CEP85L: variants seen among roughly 807,000 people sequenced by gnomAD.
CEP85L encodes the protein centrosomal protein 85L.
A neutral mutation model predicts 100.3 loss-of-function variants in CEP85L; 60 were observed. The ratio of observed to expected loss-of-function variants is 0.60; its 90% CI spans 0.49 to 0.74. CEP85L has a LOEUF of 0.74. Among genes scored for constraint, CEP85L ranks in the 30% least tolerant of loss-of-function variants. CEP85L has a pLI of 0.00. For synonymous variants in CEP85L, 319 were observed against 322.7 expected (o/e 0.99, Z 0.12); for missense variants, 973 against 936.2 (o/e 1.04, Z -0.51).
rs1773676517 is a variant in CEP85L at position 118,624,782 on chromosome 6, G to A, written c.232+7671C>T. On this transcript the variant is annotated intron_variant, in intron 2 of 12. Transcript: ENST00000368491. ...ACACCCATGTGGGTATAACTGATGA[G>A]AGAGGTGTCCAGGATAAAGCCAAAA... Among the ~76,000 whole-genome samples the A allele has an allele frequency of 2.0e-5, 3 of 152,218 alleles. No homozygotes were observed. The South Asian group carries it at 6.2e-4, about 31-fold the overall frequency.
At chr6:118,476,417 C>A (rs1773379940) in intron 10 of CEP85L, among the ~76,000 whole-genome samples, 1 of 151,716 alleles carries the variant, frequency 6.6e-6, no homozygotes, top group South Asian at 2.1e-4. Flanking sequence ...TAAATGTTTT[C>A]AAAATTAAAC....
At chr6:118,558,692 G>T in intron 3 of CEP85L, 2 of 550,580 alleles carry the variant, frequency 3.6e-6, no homozygotes, top group Non-Finnish European at 6.5e-6. Context: ...GAGAGAGGGA[G>T]AGAGACTATA....
chr6:118,612,039 T>C (rs1362891289), intron 2 of CEP85L, among the ~76,000 whole-genome samples: 18 of 152,226 alleles, frequency 1.2e-4, no homozygotes, highest in Non-Finnish European at 2.6e-4. Context: ...ATACACATTC[T>C]TTCCAAGTAC....
At chr6:118,638,117 G>A (rs974819598) in intron 1 of CEP85L, among the ~76,000 whole-genome samples, 7 of 151,650 alleles carry the variant, frequency 4.6e-5, no homozygotes, top group Admixed American at 1.3e-4. Flanking sequence ...TGTAGCACAT[G>A]CCTGTAATAC....
chr6:118,567,241 GTGTGTGTGTATATATATATATA>G (rs1267536211), intron 2 of CEP85L, among the ~76,000 whole-genome samples: 1,925 of 37,994 alleles, frequency 0.051, 19 homozygotes, highest in Non-Finnish European at 0.077. Flanking sequence ...GTGTGTGTGT[GTGTGTGTGTATATATATATATA>G]TATATATATA....
intron 6 of CEP85L, among the ~76,000 whole-genome samples, chr6:118,485,979 C>T (rs575788843): frequency 6.6e-6 from 1 of 152,266 alleles, no homozygotes; most frequent in Admixed American, 6.5e-5. Context: ...CAAAGATGTC[C>T]TACTTTTCTT....
chr6:118,602,778 T>C (rs956490104), intron 2 of CEP85L, among the ~76,000 whole-genome samples: 2 of 152,166 alleles, frequency 1.3e-5, no homozygotes, highest in African/African-American at 2.4e-5. Flanking sequence ...CTTTTTTAAA[T>C]TGGCTTTGAT....
At chr6:118,553,828 G>C (rs1409609838) in intron 3 of CEP85L, among the ~76,000 whole-genome samples, 1 of 152,114 alleles carries the variant, frequency 6.6e-6, no homozygotes, top group Non-Finnish European at 1.5e-5. Flanking sequence ...ACAAAGCCTA[G>C]TTCAGGTTAA....
At chr6:118,629,960 A>G (rs886842904) in intron 2 of CEP85L, among the ~76,000 whole-genome samples, 3 of 152,180 alleles carry the variant, frequency 2.0e-5, no homozygotes, top group Non-Finnish European at 4.4e-5. Context: ...TCCTGTTTTT[A>G]TAGTTTCAAC....
intron 2 of CEP85L, among the ~76,000 whole-genome samples, chr6:118,631,941 A>C (rs1774184172): frequency 6.6e-6 from 1 of 152,226 alleles, no homozygotes; most frequent in Non-Finnish European, 1.5e-5. Flanking sequence ...ATTATCTCAA[A>C]GTAAGAAGTT....
At chr6:118,518,433 T>C (rs1171271886) in intron 4 of CEP85L, among the ~76,000 whole-genome samples, 1 of 152,234 alleles carries the variant, frequency 6.6e-6, no homozygotes, top group Non-Finnish European at 1.5e-5. Context: ...ATTCAGGGAT[T>C]TGACTTCTTC....
intron 4 of CEP85L, 50 bp from the exon 5 acceptor site, chr6:118,511,465 T>C: frequency 8.3e-7 from 1 of 1,210,366 alleles, no homozygotes; most frequent in Non-Finnish European, 1.2e-6. Flanking sequence ...TTTCTAATAG[T>C]TAGAAGAACC....
intron 2 of CEP85L, among the ~76,000 whole-genome samples, chr6:118,586,231 A>C (rs1357811167): frequency 1.3e-5 from 2 of 152,198 alleles, no homozygotes; most frequent in Non-Finnish European, 2.9e-5. Flanking sequence ...CCACGGCCTT[A>C]CTACGAATAA....
At chr6:118,614,149 G>A (rs1245190994) in intron 2 of CEP85L, among the ~76,000 whole-genome samples, 1 of 151,914 alleles carries the variant, frequency 6.6e-6, no homozygotes, top group Non-Finnish European at 1.5e-5. Flanking sequence ...ATTCATTGAG[G>A]AAAAAAAATT....
At chr6:118,701,129 C>T (rs544994610) in intron 1 of CEP85L, among the ~76,000 whole-genome samples, 29 of 152,294 alleles carry the variant, frequency 1.9e-4, no homozygotes, top group African/African-American at 3.4e-4. Context: ...ACCATGGAAA[C>T]GGCATTCATT....
Position 118,545,858 on chromosome 6 carries a change from C to T in CEP85L, c.1020+19671G>A, listed in dbSNP as rs570486453. ...CAGGATCTCTGATAATCACTATGTACACTTCATGTCATTAAACCATCACAA... is the reference window on the plus strand; with the variant it reads ...CAGGATCTCTGATAATCACTATGTATACTTCATGTCATTAAACCATCACAA... On this transcript the variant is annotated intron_variant, in intron 3 of 12. Transcript: ENST00000368491. 2.6e-5 allele frequency among the ~76,000 whole-genome samples: 4 copies of T among 152,276 alleles called. No homozygotes were observed. The East Asian group carries it at 7.7e-4, about 29-fold the overall frequency.
chr6:118,513,367 C>A (rs1039361620), intron 4 of CEP85L, among the ~76,000 whole-genome samples: 5 of 151,878 alleles, frequency 3.3e-5, no homozygotes, highest in African/African-American at 1.2e-4. Flanking sequence ...GCCCAGTGAA[C>A]CCCAAATAAA....
chr6:118,704,804 C>T (rs542794701), intron 1 of CEP85L, among the ~76,000 whole-genome samples: 89 of 152,224 alleles, frequency 5.8e-4, no homozygotes, highest in African/African-American at 1.9e-3. Context: ...GAGTTCATGG[C>T]GCTGGGGCAT....
chr6:118,669,089 T>C (rs940550456), intron 1 of CEP85L, among the ~76,000 whole-genome samples: 1 of 152,112 alleles, frequency 6.6e-6, no homozygotes, highest in African/African-American at 2.4e-5. Flanking sequence ...TAAAAATATA[T>C]AGAATATCCA....
Sources: allele counts gnomAD v4.1 joint callset (sites outside exome capture counted in the v4.1 genomes callset), GRCh38; gene constraint gnomAD v4.1.1; transcripts MANE v1.5; gene names NCBI Gene and HGNC (gene_info 2026-07-23, HGNC 2026-07-21).